UBE2E2: variants seen among roughly 807,000 people sequenced by gnomAD.
UBE2E2 encodes the protein ubiquitin-conjugating enzyme E2 E2.
In UBE2E2, 6 loss-of-function variants were observed where a neutral mutation model predicts 24.7. That is an observed-to-expected ratio of 0.24 (90% CI 0.13 to 0.48). UBE2E2 has a LOEUF of 0.48. UBE2E2 is among the 20% of genes least tolerant of loss of function. The pLI is 0.99. For missense variants in UBE2E2, 169 were observed against 245.0 expected, an observed-to-expected ratio of 0.69 and a Z score of 2.07; for synonymous variants, 104 against 83.6, an observed-to-expected ratio of 1.24 and a Z score of -1.33.
intron 3 of UBE2E2, among the ~76,000 whole-genome samples, chr3:23,234,173 A>G (rs1306380906): frequency 4.0e-5 from 6 of 149,856 alleles, no homozygotes; most frequent in South Asian, 2.1e-4. Flanking sequence ...AGTGTTGCAC[A>G]TGGTTTCTGT....
chr3:23,525,195 G>A (rs1453323132), intron 4 of UBE2E2, among the ~76,000 whole-genome samples: 1 of 151,916 alleles, frequency 6.6e-6, no homozygotes, highest in Non-Finnish European at 1.5e-5. Context: ...ATTATATTGG[G>A]CCCACCTAAA....
intron 3 of UBE2E2, among the ~76,000 whole-genome samples, chr3:23,417,779 A>G (rs1575615885): frequency 6.6e-6 from 1 of 152,330 alleles, no homozygotes; most frequent in South Asian, 2.1e-4. Context: ...CTTGAGAGAC[A>G]GTGTGGCTAC....
chr3:23,372,865 A>G (rs1173037113), intron 3 of UBE2E2, among the ~76,000 whole-genome samples: 1 of 152,178 alleles, frequency 6.6e-6, no homozygotes, highest in Admixed American at 6.6e-5. Flanking sequence ...GTAGCTAGCC[A>G]TGGACAGAGA....
chr3:23,321,153 A>G (rs1225843107), intron 3 of UBE2E2, among the ~76,000 whole-genome samples: 1 of 152,170 alleles, frequency 6.6e-6, no homozygotes, highest in Non-Finnish European at 1.5e-5. Context: ...GTTCGCCCCT[A>G]TATGTGTATG....
chr3:23,442,756 G>A (rs1354073303), intron 3 of UBE2E2, among the ~76,000 whole-genome samples: 2 of 152,138 alleles, frequency 1.3e-5, no homozygotes, highest in African/African-American at 4.8e-5. Context: ...TCCACTACCA[G>A]TTTGCCTTCC....
At chr3:23,436,392 T>G (rs1698185346) in intron 3 of UBE2E2, among the ~76,000 whole-genome samples, 1 of 152,228 alleles carries the variant, frequency 6.6e-6, no homozygotes, top group East Asian at 1.9e-4. Context: ...TTGAGTACTT[T>G]GCTTTCACTG....
At chr3:23,352,297 G>A in intron 3 of UBE2E2, among the ~76,000 whole-genome samples, 1 of 151,938 alleles carries the variant, frequency 6.6e-6, no homozygotes, top group African/African-American at 2.4e-5. Context: ...ATCCAAAATT[G>A]ACACCCTAAC....
chr3:23,446,703 T>TTG (rs1301554190), intron 3 of UBE2E2, among the ~76,000 whole-genome samples: 7 of 140,366 alleles, frequency 5.0e-5, no homozygotes, highest in African/African-American at 2.0e-4. Context: ...TGTTTGGTTT[T>TTG]TTTTTTTTTT....
chr3:23,443,181 G>C (rs893122900), intron 3 of UBE2E2, among the ~76,000 whole-genome samples: 1 of 152,034 alleles, frequency 6.6e-6, no homozygotes, highest in Admixed American at 6.5e-5. Context: ...TCTCATCTCT[G>C]CCTGTGGTTT....
intron 3 of UBE2E2, among the ~76,000 whole-genome samples, chr3:23,326,290 C>T (rs1004356251): frequency 2.6e-5 from 4 of 152,144 alleles, no homozygotes; most frequent in East Asian, 3.9e-4. Context: ...AGGCTGTTCT[C>T]GAGCTACTGA....
At chr3:23,355,703 C>G (rs551508011) in intron 3 of UBE2E2, among the ~76,000 whole-genome samples, 39 of 152,280 alleles carry the variant, frequency 2.6e-4, no homozygotes, top group Admixed American at 1.2e-3. Flanking sequence ...AAATTACTGT[C>G]ACAGTCTCCG....
intron 3 of UBE2E2, among the ~76,000 whole-genome samples, chr3:23,436,204 G>A (rs1203521222): frequency 3.9e-5 from 6 of 151,936 alleles, no homozygotes; most frequent in Non-Finnish European, 7.4e-5. Context: ...AGGCCTTCCC[G>A]ATTTTACCAG....
At chr3:23,382,315 G>T (rs1575596780) in intron 3 of UBE2E2, among the ~76,000 whole-genome samples, 2 of 151,254 alleles carry the variant, frequency 1.3e-5, no homozygotes, top group East Asian at 3.9e-4. Flanking sequence ...CAGAGTAGCT[G>T]GGATTACAGG....
At chr3:23,420,272 G>C (rs1205490747) in intron 3 of UBE2E2, among the ~76,000 whole-genome samples, 1 of 152,104 alleles carries the variant, frequency 6.6e-6, no homozygotes, top group Non-Finnish European at 1.5e-5. Context: ...TGCTTAATGA[G>C]GGTATATATG....
intron 5 of UBE2E2, among the ~76,000 whole-genome samples, chr3:23,577,766 A>C (rs954774930): frequency 6.6e-6 from 1 of 152,230 alleles, no homozygotes; most frequent in Non-Finnish European, 1.5e-5. Flanking sequence ...AGAGAAATCA[A>C]TGCCTGGCTA....
At chr3:23,275,914 CATG>C (rs1698365251) in intron 3 of UBE2E2, among the ~76,000 whole-genome samples, 1 of 152,110 alleles carries the variant, frequency 6.6e-6, no homozygotes, top group Non-Finnish European at 1.5e-5. Flanking sequence ...TTCTCTCTAT[CATG>C]ATAATGCTTG....
At chr3:23,225,486 T>A (rs1318319550) in intron 3 of UBE2E2, among the ~76,000 whole-genome samples, 1 of 152,188 alleles carries the variant, frequency 6.6e-6, no homozygotes, top group Non-Finnish European at 1.5e-5. Flanking sequence ...TGGTATGAGA[T>A]TAGAGTCCAA....
chr3:23,344,925 T>C (rs1695506690), intron 3 of UBE2E2, among the ~76,000 whole-genome samples: 1 of 152,112 alleles, frequency 6.6e-6, no homozygotes, highest in Non-Finnish European at 1.5e-5. Context: ...AAAAGAAGTT[T>C]TATGAGGAGA....
chr3:23,366,507 T>G (rs1030463524), intron 3 of UBE2E2, among the ~76,000 whole-genome samples: 4 of 152,116 alleles, frequency 2.6e-5, no homozygotes, highest in Non-Finnish European at 5.9e-5. Context: ...TGCAACAACA[T>G]TGATGGAGCT....
Sources: allele counts gnomAD v4.1 joint callset (sites outside exome capture counted in the v4.1 genomes callset), GRCh38; gene constraint gnomAD v4.1.1; transcripts MANE v1.5; gene names NCBI Gene and HGNC (gene_info 2026-07-23, HGNC 2026-07-21).